Variants in EYS observed in about 807,000 individuals in gnomAD.
EYS encodes the protein EGF-like photoreceptor maintenance factor.
A neutral mutation model predicts 282.1 loss-of-function variants in EYS; 250 were observed. The observed-to-expected ratio is 0.89, with a 90% CI of 0.80 to 0.98. The LOEUF is 0.98. EYS is among the 50% of genes least tolerant of loss of function. The pLI is 0.00. For missense variants in EYS, 4,016 were observed against 3,709.0 expected (o/e 1.08, Z -2.15); for synonymous variants, 1,355 against 1,282.9 (o/e 1.06, Z -1.20).
Position 65,456,313 on chromosome 6 carries a change from G to T in EYS, c.862+34281C>A, listed in dbSNP as rs556939628. On this transcript the variant is annotated intron_variant, in intron 5 of 42. Coordinates refer to ENST00000503581, the MANE Select transcript of EYS (RefSeq NM_001142800.2). ...TAAAAAATACAAAAATTAGCTGGGC[G>T]TGGTGGAGTGCCGGTAGTCCCAGCT... 4.6e-5 allele frequency among the ~76,000 whole-genome samples: 7 copies of T among 151,924 alleles called. No individual in the cohort carries two copies. In the South Asian group the frequency reaches 1.5e-3, roughly 32 times the overall value.
intron 26 of EYS, among the ~76,000 whole-genome samples, chr6:64,548,052 C>T (rs1764939408): frequency 6.6e-6 from 1 of 152,208 alleles, no homozygotes; most frequent in Admixed American, 6.5e-5. Context: ...TCCCTCCACA[C>T]CTCCCTGGAA....
chr6:64,602,175 A>C (rs982145773), intron 24 of EYS, among the ~76,000 whole-genome samples: 8 of 152,188 alleles, frequency 5.3e-5, no homozygotes, highest in Admixed American at 2.0e-4. Context: ...ACTAGGTAGA[A>C]GCCTATCTCC....
chr6:64,988,906 T>C (rs893701381), intron 14 of EYS, among the ~76,000 whole-genome samples: 1 of 151,576 alleles, frequency 6.6e-6, no homozygotes, highest in Non-Finnish European at 1.5e-5. Context: ...CTCACTTCCA[T>C]ACACTTGAAT....
chr6:64,963,300 G>A (rs1031194662), intron 14 of EYS, among the ~76,000 whole-genome samples: 4 of 152,080 alleles, frequency 2.6e-5, no homozygotes, highest in African/African-American at 7.2e-5. Context: ...TATAGACTTA[G>A]TAAATATTTT....
Position 65,239,416 on chromosome 6 carries a change from A to G in EYS, c.2023+56447T>C, listed in dbSNP as rs150815822. 6.0e-4 allele frequency among the ~76,000 whole-genome samples: 92 copies of G among 152,272 alleles called. 2 individuals are homozygous for G. In the East Asian group the frequency reaches 0.017, roughly 27 times the overall value. On this transcript the variant is annotated intron_variant, in intron 12 of 42. Coordinates refer to ENST00000503581, the MANE Select transcript of EYS (RefSeq NM_001142800.2). ...TTTTTGTTAACTAAAGGCTAGTTTA[A>G]TATATAAAAATTATCTGAAAGTATA...
At chr6:64,623,495 C>T (rs1028488828) in intron 23 of EYS, among the ~76,000 whole-genome samples, 3 of 152,034 alleles carry the variant, frequency 2.0e-5, no homozygotes, top group Admixed American at 1.3e-4. Flanking sequence ...TTAGTTAATA[C>T]ATCTAAAATA....
chr6:64,546,394 G>C (rs896572039), intron 26 of EYS, among the ~76,000 whole-genome samples: 1 of 152,134 alleles, frequency 6.6e-6, no homozygotes, highest in African/African-American at 2.4e-5. Context: ...AGACTTAAAT[G>C]TTAGACCTAA....
At chr6:64,541,334 T>C (rs1336155438) in intron 26 of EYS, among the ~76,000 whole-genome samples, 1 of 152,198 alleles carries the variant, frequency 6.6e-6, no homozygotes, top group Non-Finnish European at 1.5e-5. Context: ...GTTTTCATTA[T>C]TCCTATTATA....
At chr6:64,977,675 A>G (rs1190325088) in intron 14 of EYS, among the ~76,000 whole-genome samples, 1 of 151,842 alleles carries the variant, frequency 6.6e-6, no homozygotes, top group African/African-American at 2.4e-5. Context: ...ATGAAAAAAA[A>G]AAAAAAAAAC....
At chr6:65,477,402 G>T (rs1435578404) in intron 5 of EYS, among the ~76,000 whole-genome samples, 3 of 152,128 alleles carry the variant, frequency 2.0e-5, no homozygotes, top group African/African-American at 7.2e-5. Flanking sequence ...CTCATTAAAA[G>T]ACTTACACTT....
Position 64,231,845 on chromosome 6 carries a change from T to C in EYS, c.6192-1021A>G, listed in dbSNP as rs199677693. Among the ~76,000 whole-genome samples, 6 of 152,264 alleles carry C rather than the reference T, an allele frequency of 3.9e-5. No homozygotes were observed. The East Asian group carries it at 9.6e-4, about 24-fold the overall frequency. On this transcript the variant is annotated intron_variant, in intron 30 of 42. Coordinates refer to ENST00000503581, the MANE Select transcript of EYS (RefSeq NM_001142800.2). Reference sequence around the variant, plus strand: ...ATACTGTCTGGGAAGGTTTTTAGAATTTCACTTAATATAATAATGAGATAA... The same window carrying C: ...ATACTGTCTGGGAAGGTTTTTAGAACTTCACTTAATATAATAATGAGATAA...
chr6:64,515,005 AT>A (rs1340572135), intron 26 of EYS, among the ~76,000 whole-genome samples: 3 of 151,674 alleles, frequency 2.0e-5, no homozygotes, highest in African/African-American at 2.4e-5. Flanking sequence ...TATTGTCATA[AT>A]TTTTTTGTTG....
At chr6:64,566,260 C>A (rs1765564765) in intron 26 of EYS, among the ~76,000 whole-genome samples, 1 of 152,088 alleles carries the variant, frequency 6.6e-6, no homozygotes, top group East Asian at 1.9e-4. Flanking sequence ...TCTCTGTATT[C>A]TTTCTTGTAT....
chr6:65,353,467 C>G lies in EYS; in HGVS notation c.1450G>C (p.Gly484Arg). 1 of 1,612,686 alleles carries G rather than the reference C, an allele frequency of 6.2e-7. No homozygotes were observed. The highest frequency in any genetic ancestry group is 8.5e-7 in the Non-Finnish European group (1 of 1,179,236). ...TACATAAATTTGTTACCTGCAAATCCCAATTGCCACACATATTCAAATTGA... is the reference window on the plus strand; with the variant it reads ...TACATAAATTTGTTACCTGCAAATCGCAATTGCCACACATATTCAAATTGA... Reference protein sequence around the residue: ...PAQFEYVWQLGFAGSEGEKCQ... With the variant: ...PAQFEYVWQLRFAGSEGEKCQ... Residue 484 changes from glycine (G) to arginine (R), a missense_variant, in exon 9 of 43, where the codon GGA becomes CGA. Coordinates refer to ENST00000503581, the MANE Select transcript of EYS (RefSeq NM_001142800.2).
intron 12 of EYS, among the ~76,000 whole-genome samples, chr6:65,191,030 C>T (rs1375776541): frequency 1.3e-5 from 2 of 151,764 alleles, no homozygotes; most frequent in Admixed American, 6.6e-5. Context: ...AATCTATTCC[C>T]GCCTTAGCAA....
intron 24 of EYS, among the ~76,000 whole-genome samples, chr6:64,600,280 A>G (rs1312922501): frequency 1.2e-5 from 1 of 80,196 alleles, no homozygotes; most frequent in Non-Finnish European, 2.6e-5. Context: ...TTTCCTCATT[A>G]AGATATTAAC....
intron 22 of EYS, among the ~76,000 whole-genome samples, chr6:64,635,325 G>C (rs561527840): frequency 6.6e-6 from 1 of 152,000 alleles, no homozygotes; most frequent in South Asian, 2.1e-4. Context: ...TCCTTCTCCC[G>C]CCTGATTGCC....
intron 29 of EYS, among the ~76,000 whole-genome samples, chr6:64,334,114 T>C (rs185039300): frequency 6.6e-6 from 1 of 152,244 alleles, no homozygotes; most frequent in African/African-American, 2.4e-5. Flanking sequence ...CATAACACAA[T>C]GAAGAAGCTT....
chr6:65,029,570 A>G (rs759468056), intron 13 of EYS, among the ~76,000 whole-genome samples: 1 of 151,696 alleles, frequency 6.6e-6, no homozygotes, highest in Non-Finnish European at 1.5e-5. Flanking sequence ...TAATTCCTTG[A>G]CCTCTTCTGC....
Sources: gnomAD v4.1 joint callset for allele counts (sites outside exome capture counted in the v4.1 genomes callset) on GRCh38, gnomAD v4.1.1 for gene constraint, MANE v1.5 for transcripts, NCBI Gene and HGNC (gene_info 2026-07-23, HGNC 2026-07-21) for gene names.